MYH13: variants seen among roughly 807,000 people sequenced by gnomAD.
MYH13 encodes myosin-13.
Under a neutral mutation model 232.1 loss-of-function variants are expected in MYH13, and 177 were observed. The ratio of observed to expected loss-of-function variants is 0.76; its 90% CI spans 0.67 to 0.86. The LOEUF is 0.86. Among genes scored for constraint, MYH13 ranks in the 40% least tolerant of loss-of-function variants. The pLI is 0.00. For missense variants in MYH13, 2,246 were observed against 2,405.9 expected (o/e 0.93, Z 1.39); for synonymous variants, 884 against 923.5 (o/e 0.96, Z 0.78).
chr17:10,362,224 C>T lies in MYH13; in HGVS notation c.399G>A (p.Pro133=), dbSNP rs772143298. The T allele has an allele frequency of 3.0e-5, 48 of 1,613,804 alleles. No homozygotes were observed. Among genetic ancestry groups the T allele is most frequent in the East Asian group, 2.2e-4 (10 of 44,882 alleles). ...CAGCCACCACCTCGGGCTTGTACAC[C>T]GGCAGCCACTTGTAGGGGTTGACGG... The part of the protein sequence containing the change: ...CVTVNPYKWL[P]VYKPEVVAAY... Residue 133 remains proline (P), a synonymous_variant, in exon 5 of 41, where the codon CCG becomes CCA. Coordinates refer to ENST00000252172, the MANE Select transcript of MYH13 (RefSeq NM_003802.3).
rs768509736 is a variant in MYH13 at position 10,313,283 on chromosome 17, C to T, written c.4056G>A (p.Glu1352=). 8.7e-6 allele frequency: 14 copies of T among 1,614,150 alleles called. No homozygotes were observed. The highest frequency in any genetic ancestry group is 6.8e-6 in the Non-Finnish European group (8 of 1,180,054). The part of the protein sequence containing the change: ...HDCDLLREQY[E]EEQEAKAELQ... ...GCTCGGCCTTGGCTTCCTGCTCCTC[C>T]TCATACTGTTCCCGCAGCAGGTCAC... is the stretch of plus-strand genomic sequence containing the variant. The change falls in exon 30 of 41, where the codon GAG becomes GAA. Residue 1352 remains glutamate, a synonymous_variant. Coordinates refer to ENST00000252172, the MANE Select transcript of MYH13 (RefSeq NM_003802.3).
At position 10,323,789 on chromosome 17, in the gene MYH13, AGAAGAAGAAGAAGAAG is replaced by A. The variant is rs1437736241; in HGVS notation, c.2934+217_2934+232del. Among the ~76,000 whole-genome samples, 16 of 37,434 alleles carry A rather than the reference AGAAGAAGAAGAAGAAG, an allele frequency of 4.3e-4. No homozygotes were observed. The East Asian group carries it at 5.3e-3, about 12-fold the overall frequency. 24.6% of individuals were successfully genotyped at this position (37,434 alleles called of 152,430 possible). A position where few individuals can be genotyped will look rare whatever the true frequency, so the allele number is the denominator to read the frequency against. ...CAAAAAAAAAAAAAAAAAAAAAAAA[AGAAGAAGAAGAAGAAG>A]AAGAAGAAGAAGAAGAAGAAGAAGA... is the stretch of plus-strand genomic sequence containing the variant. On this transcript the variant is annotated intron_variant, in intron 23 of 40. Coordinates refer to ENST00000252172, the MANE Select transcript of MYH13 (RefSeq NM_003802.3).
chr17:10,359,070 G>A (rs2071771058), intron 7 of MYH13, among the ~76,000 whole-genome samples: 1 of 152,222 alleles, frequency 6.6e-6, no homozygotes, highest in African/African-American at 2.4e-5. Flanking sequence ...TCTTTTTCCA[G>A]TTTCCTGGTA....
In MYH13 at chr17:10,324,248, A is replaced by C. The variant is rs754032955; in HGVS notation, c.2708T>G (p.Met903Arg). ...TCCTTCACACCGTTCCTCAGCGTCC[A>C]TCAGATTTTCTGTTTCCTGAAAGAA... Reference protein sequence around the residue: ...LQVQSETENLMDAEERCEGLI... With the variant: ...LQVQSETENLRDAEERCEGLI... Residue 903 changes from methionine (M) to arginine (R), a missense_variant, in exon 23 of 41, where the codon ATG (methionine) becomes AGG (arginine). Coordinates refer to ENST00000252172, the MANE Select transcript of MYH13 (RefSeq NM_003802.3). 3.8e-5 allele frequency: 61 copies of C among 1,613,298 alleles called. No homozygotes were observed. The highest frequency in any genetic ancestry group is 1.5e-5 in the Non-Finnish European group (18 of 1,179,812).
chr17:10,328,925 G>A (rs528638599), intron 21 of MYH13, among the ~76,000 whole-genome samples: 13 of 152,160 alleles, frequency 8.5e-5, no homozygotes, highest in South Asian at 6.2e-4. Context: ...TGATCTGCCC[G>A]CCTTGGCCTC....
chr17:10,333,310 G>A lies in MYH13; in HGVS notation c.2057-119C>T, dbSNP rs1417714206. On this transcript the variant is annotated intron_variant, in intron 18 of 40. Coordinates refer to ENST00000252172, the MANE Select transcript of MYH13 (RefSeq NM_003802.3). ...TGAGTGGGAGAGTCAGTGAGTGGGAGAGTCAGTGCCAGCTCCAAGGTAGAG... is the reference window on the plus strand; with the variant it reads ...TGAGTGGGAGAGTCAGTGAGTGGGAAAGTCAGTGCCAGCTCCAAGGTAGAG... 6.9e-6 allele frequency: 5 copies of A among 727,930 alleles called. No individual in the cohort carries two copies. In the East Asian group the frequency reaches 1.4e-4, roughly 20 times the overall value. The allele number at this position is 727,930 out of a possible 1,614,324, so 45.1% of individuals were successfully genotyped here.
chr17:10,305,272 A>G (rs1438357687), intron 37 of MYH13, among the ~76,000 whole-genome samples: 1 of 152,224 alleles, frequency 6.6e-6, no homozygotes, highest in Non-Finnish European at 1.5e-5. Flanking sequence ...AGGTGTCATG[A>G]GATCTAATCC....
At chr17:10,308,477 GT>G (rs200947693) in intron 35 of MYH13, among the ~76,000 whole-genome samples, 1,950 of 124,232 alleles carry the variant, frequency 0.016, 16 homozygotes, top group Non-Finnish European at 0.024. Context: ...TAGAGACAAG[GT>G]TTTGCCATAT....
At chr17:10,359,280 A>G (rs2071772961) in intron 7 of MYH13, among the ~76,000 whole-genome samples, 1 of 152,166 alleles carries the variant, frequency 6.6e-6, no homozygotes, top group South Asian at 2.1e-4. Flanking sequence ...GGTTGAGTCA[A>G]TCATCAATGG....
chr17:10,330,378 C>G lies in MYH13; in HGVS notation c.2435+9G>C. ...GGCAGGATAAGGTGGAGGTGAGGGT[C>G]TGTGTCACCTCCTCTCCATCATCTT... On this transcript the variant is annotated intron_variant, in intron 21 of 40. Transcript: ENST00000252172. The G allele has an allele frequency of 1.9e-6, 3 of 1,613,518 alleles. No homozygotes were observed. Among genetic ancestry groups the G allele is most frequent in the Non-Finnish European group, 2.5e-6 (3 of 1,179,716 alleles).
intron 23 of MYH13, among the ~76,000 whole-genome samples, chr17:10,322,833 C>T (rs1907018379): frequency 6.6e-6 from 1 of 152,008 alleles, no homozygotes; most frequent in South Asian, 2.1e-4. Flanking sequence ...CGGGGTTTCA[C>T]CATGTTAGCC....
chr17:10,309,454 G>A lies in MYH13; in HGVS notation c.4966-17C>T, dbSNP rs746601341. 13 of 1,599,930 alleles carry A rather than the reference G, an allele frequency of 8.1e-6. No homozygotes were observed. The highest frequency in any genetic ancestry group is 1.1e-5 in the Non-Finnish European group (13 of 1,172,836). ...CTGGGAGTCCTGCAGGGGAGACCCAGAGTGAGGCCAGAGCCGCCTGGCAGG... is the reference window on the plus strand; with the variant it reads ...CTGGGAGTCCTGCAGGGGAGACCCAAAGTGAGGCCAGAGCCGCCTGGCAGG... On this transcript the variant is annotated splice_polypyrimidine_tract_variant and intron_variant, in intron 34 of 40. Transcript: ENST00000252172.
chr17:10,313,274 C>T lies in MYH13; in HGVS notation c.4065G>A (p.Gln1355=), dbSNP rs780035795. The T allele has an allele frequency of 6.2e-7, 1 of 1,614,242 alleles. No homozygotes were observed. Residue 1355 remains glutamine, a synonymous_variant, in exon 30 of 41, where the codon CAG becomes CAA. Coordinates refer to ENST00000252172, the MANE Select transcript of MYH13 (RefSeq NM_003802.3). ...CCCTCTGCAGCTCGGCCTTGGCTTC[C>T]TGCTCCTCCTCATACTGTTCCCGCA... ...DLLREQYEEE[Q]EAKAELQRAL...
chr17:10,357,122 A>G (rs2071755190), intron 8 of MYH13, among the ~76,000 whole-genome samples: 1 of 152,050 alleles, frequency 6.6e-6, no homozygotes, highest in East Asian at 1.9e-4. Context: ...CACCATGCCC[A>G]GCTAATTTTT....
chr17:10,330,588 G>A (rs2142245102), intron 20 of MYH13, 65 bp from the exon 21 acceptor site: 1 of 1,544,874 alleles, frequency 6.5e-7, no homozygotes, highest in East Asian at 2.4e-5. Flanking sequence ...GGCCCTTGAG[G>A]GGGCCTGTTT....
At chr17:10,301,821 CAG>C in intron 39 of MYH13, 118 bp from the exon 40 acceptor site, 3 of 1,348,052 alleles carry the variant, frequency 2.2e-6, no homozygotes, top group Non-Finnish European at 3.0e-6. Context: ...TCCCTGATGG[CAG>C]AGAGGGCAGG....
At chr17:10,342,388 G>A (rs1037173979) in intron 16 of MYH13, among the ~76,000 whole-genome samples, 8 of 152,022 alleles carry the variant, frequency 5.3e-5, no homozygotes, top group Admixed American at 1.3e-4. Flanking sequence ...AAAGAGTTCA[G>A]AAGTTACTCA....
rs1906424556 is a variant in MYH13, at chr17:10,309,525, G to C, written c.4962C>G (p.Leu1654=). Residue 1654 remains leucine, a synonymous_variant, in exon 34 of 41, where the codon CTC becomes CTG. Transcript: ENST00000252172. ...CAGAGGCGGCCACCGTGCTCACCTTGAGCTGGCCCTGGACCGTGCGCAGAT... is the reference window on the plus strand; with the variant it reads ...CAGAGGCGGCCACCGTGCTCACCTTCAGCTGGCCCTGGACCGTGCGCAGAT... The part of the protein sequence containing the change: ...QKHLRTVQGQ[L]KDSQLHLDDA... The C allele has an allele frequency of 6.2e-7, 1 of 1,605,784 alleles. No individual in the cohort carries two copies.
chr17:10,330,961 G>C (rs1259980748), intron 20 of MYH13, among the ~76,000 whole-genome samples: 1 of 152,052 alleles, frequency 6.6e-6, no homozygotes, highest in African/African-American at 2.4e-5. Flanking sequence ...AGGTTGCAGT[G>C]AGCAGAGATT....
Sources: gnomAD v4.1 joint callset for allele counts (sites outside exome capture counted in the v4.1 genomes callset) on GRCh38, gnomAD v4.1.1 for gene constraint, MANE v1.5 for transcripts, NCBI Gene and HGNC (gene_info 2026-07-23, HGNC 2026-07-21) for gene names.